The following GOLGA4 variants were observed in gnomAD, a reference collection of about 807,000 sequenced individuals.
GOLGA4 encodes the protein golgin A4.
A neutral mutation model predicts 265.9 loss-of-function variants in GOLGA4; 169 were observed. The observed-to-expected ratio is 0.64, with a 90% CI of 0.56 to 0.72. The LOEUF (loss-of-function observed/expected upper bound fraction) is 0.72, where lower values mean the gene tolerates loss of function less well. Ranked by LOEUF, GOLGA4 falls within the 30% of genes least tolerant of loss-of-function variation. The probability of loss-of-function intolerance (pLI) is 0.00; values close to 1 mark genes in which losing one functional copy is unlikely to be tolerated. For missense variants in GOLGA4, 2,482 were observed against 2,483.4 expected (o/e 1.00, Z 0.01); for synonymous variants, 923 against 855.8 (o/e 1.08, Z -1.37).
chr3:37,332,285 C>T (rs1384892897), intron 16 of GOLGA4, among the ~76,000 whole-genome samples: 2 of 152,204 alleles, frequency 1.3e-5, no homozygotes, highest in African/African-American at 4.8e-5. Flanking sequence ...TCTCAAGCTT[C>T]ATAAGTTAAT....
rs745611070 is a variant in GOLGA4, at chr3:37,299,272, T to A, written c.1003-16T>A. ...GCTTTATTAGAGATGGAAATGAATT[T>A]AAAAATTTTTTTTAGGACCTTCATA... On this transcript the variant is annotated splice_polypyrimidine_tract_variant and intron_variant, in intron 8 of 23. Coordinates refer to ENST00000361924, the MANE Select transcript of GOLGA4 (RefSeq NM_002078.5). 3.3e-5 allele frequency: 52 copies of A among 1,557,714 alleles called. No individual in the cohort carries two copies. The Middle Eastern group carries it at 6.7e-4, about 20-fold the overall frequency.
rs73825094 is a variant in GOLGA4 at position 37,361,278 on chromosome 3, C to T, written c.*6C>T. On this transcript the variant is annotated 3_prime_UTR_variant, in exon 23 of 24. Coordinates refer to ENST00000361924, the MANE Select transcript of GOLGA4 (RefSeq NM_002078.5). The stretch of plus-strand genomic sequence containing the variant: ...CTCGCAGTGGTATCTTCTGAGTAAA[C>T]CATCAGTCTGTGCTTAGTTAACATG... 4,501 of 1,612,878 alleles carry T rather than the reference C, an allele frequency of 2.8e-3. 99 individuals carry two copies. In the African/African-American group the frequency reaches 0.052, roughly 19 times the overall value.
chr3:37,340,175 A>G lies in GOLGA4; in HGVS notation c.6448A>G (p.Thr2150Ala), dbSNP rs368070157. ...LKKYEKNVYA[T>A]TVGTPYKGGN... ...GAAATATGAAAAGAATGTATATGCAACAACTGTGGGGACACCTTACAAAGG... is the reference window on the plus strand; with the variant it reads ...GAAATATGAAAAGAATGTATATGCAGCAACTGTGGGGACACCTTACAAAGG... The change falls in exon 20 of 24, where the codon ACA (threonine) becomes GCA (alanine). Residue 2150 changes from threonine to alanine, a missense_variant. Transcript: ENST00000361924. 7.7e-6 allele frequency: 11 copies of G among 1,425,488 alleles called. No homozygotes were observed. Among genetic ancestry groups the G allele is most frequent in the South Asian group, 2.4e-5 (2 of 82,114 alleles). The allele number at this position is 1,425,488 out of a possible 1,614,324, so 88.3% of individuals were successfully genotyped here.
chr3:37,340,759 G>A (rs1161308931), intron 20 of GOLGA4, among the ~76,000 whole-genome samples: 1 of 152,162 alleles, frequency 6.6e-6, no homozygotes, highest in Non-Finnish European at 1.5e-5. Context: ...GTTCATCCAT[G>A]TTGTTCCAAT....
intron 1 of GOLGA4, chr3:37,245,319 C>G (rs1037840713): frequency 6.6e-6 from 1 of 152,414 alleles, no homozygotes; most frequent in African/African-American, 2.4e-5. Flanking sequence ...GAGTGAGGCT[C>G]GAAGAGGTGA....
In GOLGA4 at chr3:37,323,953, A is replaced by G; in HGVS notation, c.2067A>G (p.Leu689=). 2 of 1,613,522 alleles carry G rather than the reference A, an allele frequency of 1.2e-6. No homozygotes were observed. Among genetic ancestry groups the G allele is most frequent in the South Asian group, 2.2e-5 (2 of 91,006 alleles). The change falls in exon 14 of 24, where the codon TTA becomes TTG. Residue 689 remains leucine, a synonymous_variant. Transcript: ENST00000361924. ...LDVKQTELES[L]SSELSEVLKA... ...TGAAGCAAACAGAACTAGAATCATT[A>G]TCTTCTGAACTGTCAGAAGTATTAA...
intron 2 of GOLGA4, among the ~76,000 whole-genome samples, chr3:37,271,251 A>G (rs1298003222): frequency 1.3e-5 from 2 of 152,032 alleles, no homozygotes; most frequent in African/African-American, 4.8e-5. Context: ...CCCTTGCTTT[A>G]TAGTATGTAG....
At chr3:37,245,106 A>C (rs2096715329) in intron 1 of GOLGA4, among the ~76,000 whole-genome samples, 1 of 152,248 alleles carries the variant, frequency 6.6e-6, no homozygotes. Context: ...AAAACTAGCC[A>C]AAAATGTCCA....
chr3:37,302,136 T>C, intron 9 of GOLGA4, 49 bp from the exon 10 acceptor site: 1 of 1,522,836 alleles, frequency 6.6e-7, no homozygotes, highest in African/African-American at 1.4e-5. Flanking sequence ...GTGCTGTTGA[T>C]GATGCAGTTT....
In GOLGA4 at chr3:37,362,363, A is replaced by G. The variant is rs1269238056; in HGVS notation, c.*33+1058A>G. On this transcript the variant is annotated intron_variant, in intron 23 of 23. Transcript: ENST00000361924. ...GCCATTCTCCTGCCTCAGCCTCCCA[A>G]GTAGCTGGGACTACAGGCGCCCGCC... Among the ~76,000 whole-genome samples, 121 of 148,696 alleles carry G rather than the reference A, an allele frequency of 8.1e-4. 1 individual carries two copies. The highest frequency in any genetic ancestry group is 2.8e-3 in the African/African-American group (116 of 40,802).
chr3:37,250,063 G>T (rs890574553), intron 1 of GOLGA4: 1 of 152,186 alleles, frequency 6.6e-6, no homozygotes, highest in Non-Finnish European at 1.5e-5. Context: ...AGAAGATTGG[G>T]TTAGTAAGTT....
intron 18 of GOLGA4, 73 bp downstream of exon 18, chr3:37,337,236 G>A: frequency 2.4e-6 from 2 of 832,590 alleles, no homozygotes; most frequent in East Asian, 2.6e-5. Context: ...TGCCCAGGCT[G>A]TTGCCCAGGC....
At chr3:37,279,274 G>GT (rs1254504726) in intron 2 of GOLGA4, among the ~76,000 whole-genome samples, 1 of 152,162 alleles carries the variant, frequency 6.6e-6, no homozygotes, top group African/African-American at 2.4e-5. Flanking sequence ...AACTTTTTGA[G>GT]TACCCATATG....
intron 22 of GOLGA4, among the ~76,000 whole-genome samples, chr3:37,359,342 A>G (rs887990689): frequency 2.6e-5 from 4 of 152,212 alleles, no homozygotes; most frequent in Admixed American, 6.5e-5. Flanking sequence ...ACATTATTTA[A>G]GATAATTTCA....
At chr3:37,273,576 A>G (rs1295340575) in intron 2 of GOLGA4, 7 of 1,506,854 alleles carry the variant, frequency 4.6e-6, no homozygotes, top group Admixed American at 2.0e-5. Context: ...GACAGTGTTA[A>G]TGGAAGTGAA....
intron 2 of GOLGA4, chr3:37,273,568 C>A: frequency 6.6e-7 from 1 of 1,511,604 alleles, no homozygotes; most frequent in African/African-American, 1.4e-5. Flanking sequence ...AATCTCCTGA[C>A]AGTGTTAATG....
At chr3:37,269,505 C>T (rs2096792459) in intron 2 of GOLGA4, among the ~76,000 whole-genome samples, 1 of 151,858 alleles carries the variant, frequency 6.6e-6, no homozygotes, top group Non-Finnish European at 1.5e-5. Context: ...TGGAGACAAA[C>T]ATGTCAACAT....
intron 20 of GOLGA4, among the ~76,000 whole-genome samples, chr3:37,341,083 CTT>C (rs984564015): frequency 2.3e-4 from 35 of 152,044 alleles, no homozygotes; most frequent in African/African-American, 7.5e-4. Flanking sequence ...AGGGGAATCT[CTT>C]GAACCCAGGA....
intron 20 of GOLGA4, among the ~76,000 whole-genome samples, chr3:37,345,901 C>T (rs897738017): frequency 6.6e-6 from 1 of 151,394 alleles, no homozygotes. Context: ...GAGCCACCAT[C>T]GCGCCACTGC....
Sources: allele counts gnomAD v4.1 joint callset (sites outside exome capture counted in the v4.1 genomes callset), GRCh38; gene constraint gnomAD v4.1.1; transcripts MANE v1.5; gene names NCBI Gene and HGNC (gene_info 2026-07-23, HGNC 2026-07-21).